Variants in RASGRF2 observed in about 807,000 individuals in gnomAD.
RASGRF2 encodes the protein ras-specific guanine nucleotide-releasing factor 2.
A neutral mutation model predicts 151.0 loss-of-function variants in RASGRF2; 76 were observed. That is an observed-to-expected ratio of 0.50 (90% CI 0.42 to 0.61). The LOEUF (loss-of-function observed/expected upper bound fraction) is 0.61, where lower values mean the gene tolerates loss of function less well. RASGRF2 is among the 20% of genes least tolerant of loss of function. RASGRF2 has a pLI of 0.00. For missense variants in RASGRF2, 1,148 were observed against 1,564.6 expected (o/e 0.73, Z 4.49); for synonymous variants, 504 against 566.5 (o/e 0.89, Z 1.57).
At chr5:81,072,826 C>T (rs940901942) in intron 4 of RASGRF2, among the ~76,000 whole-genome samples, 1 of 152,190 alleles carries the variant, frequency 6.6e-6, no homozygotes, top group Non-Finnish European at 1.5e-5. Flanking sequence ...GGACTACAGG[C>T]CTGTGCATGT....
intron 1 of RASGRF2, among the ~76,000 whole-genome samples, chr5:81,023,392 A>G (rs1011527462): frequency 6.6e-6 from 1 of 152,182 alleles, no homozygotes; most frequent in Non-Finnish European, 1.5e-5. Context: ...AGGTTACAGA[A>G]TACCATCCAG....
At chr5:81,053,217 C>T (rs1417468723) in intron 2 of RASGRF2, among the ~76,000 whole-genome samples, 1 of 151,444 alleles carries the variant, frequency 6.6e-6, no homozygotes, top group Non-Finnish European at 1.5e-5. Context: ...TGTTGGTGTG[C>T]TGCACCCATT....
At chr5:81,056,320 A>T (rs1751209527) in intron 2 of RASGRF2, among the ~76,000 whole-genome samples, 1 of 152,098 alleles carries the variant, frequency 6.6e-6, no homozygotes, top group Non-Finnish European at 1.5e-5. Flanking sequence ...AGATTCTTGT[A>T]TGTTGTGTCT....
intron 1 of RASGRF2, among the ~76,000 whole-genome samples, chr5:80,990,217 TG>T (rs1241431524): frequency 6.8e-4 from 81 of 118,480 alleles, no homozygotes; most frequent in African/African-American, 2.4e-3. Context: ...GACTGCCAGA[TG>T]TTTTTTTTTT....
At chr5:81,187,076 G>C (rs1462002677) in intron 18 of RASGRF2, among the ~76,000 whole-genome samples, 1 of 152,146 alleles carries the variant, frequency 6.6e-6, no homozygotes, top group Non-Finnish European at 1.5e-5. Flanking sequence ...TTGTGAAAGC[G>C]GCATCTGGTC....
chr5:81,123,766 A>C lies in RASGRF2; in HGVS notation c.2595A>C (p.Gly865=), dbSNP rs143742782. 1.4e-4 allele frequency: 226 copies of C among 1,613,398 alleles called. 1 individual carries two copies. In the African/African-American group the frequency reaches 2.9e-3, roughly 20 times the overall value. Residue 865 remains glycine (G), a splice_region_variant and synonymous_variant, in exon 16 of 27, where the codon GGA becomes GGC. Coordinates refer to ENST00000265080, the MANE Select transcript of RASGRF2 (RefSeq NM_006909.3). ...GGCACCTCCGCTATCGACAGCCTGGAGGTAAGAGCTCAAGAGGGACTCAGA... is the reference window on the plus strand; with the variant it reads ...GGCACCTCCGCTATCGACAGCCTGGCGGTAAGAGCTCAAGAGGGACTCAGA... ...TPRHLRYRQP[G]GQTADNAHCS... is the part of the protein sequence containing the mutation.
At chr5:81,190,014 C>A (rs1755122922) in intron 18 of RASGRF2, among the ~76,000 whole-genome samples, 1 of 152,120 alleles carries the variant, frequency 6.6e-6, no homozygotes, top group Non-Finnish European at 1.5e-5. Flanking sequence ...GCCCGACACA[C>A]TTTTATGTCA....
At chr5:81,066,475 A>G (rs1444812428) in intron 2 of RASGRF2, among the ~76,000 whole-genome samples, 1 of 152,218 alleles carries the variant, frequency 6.6e-6, no homozygotes, top group African/African-American at 2.4e-5. Flanking sequence ...GAAAGAATTT[A>G]TTAGCAGGAC....
intron 1 of RASGRF2, among the ~76,000 whole-genome samples, chr5:80,968,723 A>G (rs1478748826): frequency 6.6e-6 from 1 of 152,204 alleles, no homozygotes; most frequent in African/African-American, 2.4e-5. Flanking sequence ...TTGCTCTGTC[A>G]CCTGGGCTGG....
intron 17 of RASGRF2, among the ~76,000 whole-genome samples, chr5:81,168,225 T>TAA (rs1754557801): frequency 6.6e-6 from 1 of 151,566 alleles, no homozygotes; most frequent in Non-Finnish European, 1.5e-5. Flanking sequence ...ACTGTTCTCC[T>TAA]GCAGTTACCC....
At chr5:81,134,533 T>G (rs1753707235) in intron 17 of RASGRF2, among the ~76,000 whole-genome samples, 1 of 152,128 alleles carries the variant, frequency 6.6e-6, no homozygotes, top group Non-Finnish European at 1.5e-5. Flanking sequence ...AAATAAATTC[T>G]CGGGCCACAC....
chr5:81,094,464 C>A, intron 11 of RASGRF2, 102 bp downstream of exon 11: 1 of 1,143,500 alleles, frequency 8.7e-7, no homozygotes, highest in Non-Finnish European at 1.2e-6. Flanking sequence ...AAAATTGAAC[C>A]ATTTAGCCCA....
chr5:81,182,422 C>T (rs991635718), intron 18 of RASGRF2, among the ~76,000 whole-genome samples: 2 of 152,240 alleles, frequency 1.3e-5, no homozygotes, highest in Non-Finnish European at 2.9e-5. Context: ...TCCTCATCCT[C>T]TCTGTATGAG....
intron 1 of RASGRF2, among the ~76,000 whole-genome samples, chr5:80,963,486 A>T (rs1747628280): frequency 6.6e-6 from 1 of 152,180 alleles, no homozygotes; most frequent in African/African-American, 2.4e-5. Context: ...AATATGTAAA[A>T]ATTAAGAATT....
chr5:81,033,863 C>T (rs568308125), intron 1 of RASGRF2, among the ~76,000 whole-genome samples: 3 of 152,270 alleles, frequency 2.0e-5, no homozygotes, highest in South Asian at 2.1e-4. Flanking sequence ...GAACAGGCAA[C>T]CTACAGAATG....
At chr5:81,150,478 C>T (rs900622145) in intron 17 of RASGRF2, among the ~76,000 whole-genome samples, 3 of 152,190 alleles carry the variant, frequency 2.0e-5, no homozygotes, top group Admixed American at 6.5e-5. Flanking sequence ...TTATAAGCTT[C>T]TTGAGATCAG....
chr5:81,212,112 C>T (rs1454265556), intron 22 of RASGRF2, among the ~76,000 whole-genome samples: 2 of 152,186 alleles, frequency 1.3e-5, no homozygotes, highest in African/African-American at 2.4e-5. Context: ...TGCTGAGGAA[C>T]AAAATCATCT....
intron 1 of RASGRF2, among the ~76,000 whole-genome samples, chr5:80,977,653 C>T (rs375376076): frequency 5.9e-5 from 9 of 152,112 alleles, no homozygotes; most frequent in Non-Finnish European, 1.2e-4. Context: ...GATGGGGTTT[C>T]GCCGTGTTGG....
rs768948446 is a variant in RASGRF2, at chr5:81,227,910, T to C, written c.*2140T>C. 1 of 152,216 alleles carries C rather than the reference T, an allele frequency of 6.6e-6. No individual in the cohort carries two copies. The highest frequency in any genetic ancestry group is 1.5e-5 in the Non-Finnish European group (1 of 68,040). 9.4% of individuals were successfully genotyped at this position (152,216 alleles called of 1,614,324 possible). A position where few individuals can be genotyped will look rare whatever the true frequency, so the allele number is the denominator to read the frequency against. Reference sequence around the variant, plus strand: ...TTTGACCCAAATGTTCCAGAGACACTGCAGCCATTCTTATTAACAAAAAAT... The same window carrying C: ...TTTGACCCAAATGTTCCAGAGACACCGCAGCCATTCTTATTAACAAAAAAT... On this transcript the variant is annotated 3_prime_UTR_variant, in exon 27 of 27. Coordinates refer to ENST00000265080, the MANE Select transcript of RASGRF2 (RefSeq NM_006909.3).
Sources: gnomAD v4.1 joint callset for allele counts (sites outside exome capture counted in the v4.1 genomes callset) on GRCh38, gnomAD v4.1.1 for gene constraint, MANE v1.5 for transcripts, NCBI Gene and HGNC (gene_info 2026-07-23, HGNC 2026-07-21) for gene names.